NEK11: variants seen among roughly 807,000 people sequenced by gnomAD.
NEK11 encodes serine/threonine-protein kinase Nek11.
In NEK11, 72 loss-of-function variants were observed where a neutral mutation model predicts 80.7. That is an observed-to-expected ratio of 0.89 (90% CI 0.74 to 1.08). The LOEUF (loss-of-function observed/expected upper bound fraction) is 1.08. Ranked by LOEUF, NEK11 falls within the 50% of genes least tolerant of loss-of-function variation. The pLI, the probability that NEK11 is intolerant of heterozygous loss-of-function variation, is 0.00. For missense variants in NEK11, 764 were observed against 763.6 expected, an observed-to-expected ratio of 1.00 and a Z score of -0.01; for synonymous variants, 251 against 260.7, an observed-to-expected ratio of 0.96 and a Z score of 0.36.
intron 3 of NEK11, among the ~76,000 whole-genome samples, chr3:131,038,999 T>C (rs1308852962): frequency 2.0e-5 from 3 of 152,250 alleles, no homozygotes; most frequent in Non-Finnish European, 2.9e-5. Context: ...ATAAATGTAA[T>C]TGGATATGCT....
chr3:131,210,379 T>G (rs979952666), intron 14 of NEK11, among the ~76,000 whole-genome samples: 12 of 152,146 alleles, frequency 7.9e-5, no homozygotes, highest in Non-Finnish European at 1.2e-4. Context: ...TGCTGAGGAG[T>G]GCTTTACTTC....
intron 3 of NEK11, among the ~76,000 whole-genome samples, chr3:131,044,422 C>CAAAAAAAAAAAAAAAAAAAAAA (rs57412173): frequency 2.6e-5 from 1 of 37,764 alleles, no homozygotes; most frequent in African/African-American, 1.5e-4. Context: ...AAATGGAAAG[C>CAAAAAAAAAAAAAAAAAAAAAA]AAAAAAAAAA....
rs117849584 is a variant in NEK11 at position 131,113,972 on chromosome 3, G to A, written c.455+4051G>A. 3.7e-3 allele frequency among the ~76,000 whole-genome samples: 562 copies of A among 150,056 alleles called. 10 individuals are homozygous for A. Among genetic ancestry groups the A allele is most frequent in the East Asian group, 0.036 (183 of 5,084 alleles). On this transcript the variant is annotated intron_variant, in intron 5 of 17. Coordinates refer to ENST00000383366, the MANE Select transcript of NEK11 (RefSeq NM_024800.5). Reference sequence around the variant, plus strand: ...ATAACTATTGTTTTCTAGCACTATTGTGAATTTCCTCTTGAAAAATTTCTT... The same window carrying A: ...ATAACTATTGTTTTCTAGCACTATTATGAATTTCCTCTTGAAAAATTTCTT...
intron 14 of NEK11, chr3:131,175,074 C>G: frequency 1.7e-6 from 2 of 1,145,876 alleles, no homozygotes; most frequent in Non-Finnish European, 2.1e-6. Flanking sequence ...CTATGACTTA[C>G]GATATCACCT....
chr3:131,332,885 A>G (rs2097115762), intron 17 of NEK11, among the ~76,000 whole-genome samples: 1 of 152,218 alleles, frequency 6.6e-6, no homozygotes, highest in South Asian at 2.1e-4. Context: ...AGACTAAATG[A>G]ATGAAACGAA....
intron 17 of NEK11, among the ~76,000 whole-genome samples, chr3:131,337,581 A>G (rs979726727): frequency 1.4e-4 from 21 of 152,058 alleles, no homozygotes; most frequent in African/African-American, 4.3e-4. Context: ...TAACCTGCAC[A>G]TTGTGCACAT....
chr3:131,044,380 C>A (rs975161028), intron 3 of NEK11, among the ~76,000 whole-genome samples: 1 of 74,888 alleles, frequency 1.3e-5, no homozygotes, highest in South Asian at 4.6e-4. Flanking sequence ...AACATAGGCT[C>A]AAAACAAAGG....
intron 5 of NEK11, among the ~76,000 whole-genome samples, chr3:131,110,478 G>A (rs9855195): frequency 0.024 from 3,585 of 152,164 alleles, 76 homozygotes; most frequent in Non-Finnish European, 0.036. Flanking sequence ...GATTATCTGT[G>A]ATTTACATTT....
chr3:131,216,998 C>G (rs1223052245), intron 14 of NEK11, among the ~76,000 whole-genome samples: 1 of 152,140 alleles, frequency 6.6e-6, no homozygotes, highest in Non-Finnish European at 1.5e-5. Context: ...GGGAAAGGAA[C>G]AATTGTGGGT....
chr3:131,244,107 C>A (rs1057396798), intron 16 of NEK11, among the ~76,000 whole-genome samples: 28 of 151,608 alleles, frequency 1.8e-4, no homozygotes, highest in African/African-American at 5.8e-4. Flanking sequence ...ATATTTTTTT[C>A]TTCTAAATTT....
At chr3:131,073,264 G>A (rs899398601) in intron 3 of NEK11, among the ~76,000 whole-genome samples, 4 of 152,054 alleles carry the variant, frequency 2.6e-5, no homozygotes, top group Non-Finnish European at 4.4e-5. Context: ...TTTTATTCAT[G>A]CAATATTTGT....
intron 15 of NEK11, among the ~76,000 whole-genome samples, chr3:131,237,908 C>T (rs1468720437): frequency 2.0e-5 from 3 of 152,302 alleles, no homozygotes; most frequent in Admixed American, 1.3e-4. Context: ...CCATCATCAC[C>T]TTGTCGTAGC....
chr3:131,309,900 G>A (rs2096761099), intron 17 of NEK11, among the ~76,000 whole-genome samples: 1 of 147,566 alleles, frequency 6.8e-6, no homozygotes, highest in South Asian at 2.2e-4. Context: ...GAGGCAGGAG[G>A]ATCGGTTGAG....
rs182154526 is a variant in NEK11 at position 131,182,643 on chromosome 3, G to A, written c.1399+11756G>A. On this transcript the variant is annotated intron_variant, in intron 14 of 17. Transcript: ENST00000383366. ...TGAATTTTTTTTCTGGCCAAGGCTC[G>A]TTTAAATTATTAATGGGAGTTCTTC... Among the ~76,000 whole-genome samples, 40 of 152,180 alleles carry A rather than the reference G, an allele frequency of 2.6e-4. No individual in the cohort carries two copies. In the East Asian group the frequency reaches 5.8e-3, roughly 22 times the overall value.
chr3:131,116,585 CCCA>C (rs2081273464), intron 5 of NEK11, among the ~76,000 whole-genome samples: 1 of 152,196 alleles, frequency 6.6e-6, no homozygotes, highest in South Asian at 2.1e-4. Flanking sequence ...AGTTTACAAT[CCCA>C]CCAACAGTGT....
intron 17 of NEK11, among the ~76,000 whole-genome samples, chr3:131,301,868 A>C (rs1349155110): frequency 6.6e-6 from 1 of 152,100 alleles, no homozygotes; most frequent in East Asian, 1.9e-4. Flanking sequence ...TGCTGGCCTC[A>C]TAGAGTGAGT....
chr3:131,125,008 AAGATG>A (rs763199660), intron 5 of NEK11, among the ~76,000 whole-genome samples: 102 of 152,318 alleles, frequency 6.7e-4, no homozygotes, highest in Middle Eastern at 3.4e-3. Context: ...TATGGACCTC[AAGATG>A]AAGTGGCCTA....
intron 17 of NEK11, among the ~76,000 whole-genome samples, chr3:131,314,110 A>G (rs954684867): frequency 2.0e-5 from 3 of 150,928 alleles, no homozygotes; most frequent in Admixed American, 1.3e-4. Flanking sequence ...CTTTCTTCCA[A>G]TTTATCCATG....
At chr3:131,235,255 C>A (rs959166581) in intron 15 of NEK11, among the ~76,000 whole-genome samples, 1 of 152,006 alleles carries the variant, frequency 6.6e-6, no homozygotes, top group East Asian at 1.9e-4. Flanking sequence ...TGCAGTGGAC[C>A]CTCTAGTGCT....
Sources: allele counts gnomAD v4.1 joint callset (sites outside exome capture counted in the v4.1 genomes callset), GRCh38; gene constraint gnomAD v4.1.1; transcripts MANE v1.5; gene names NCBI Gene and HGNC (gene_info 2026-07-23, HGNC 2026-07-21).